The following BNC2 variants were observed in gnomAD, a reference collection of about 807,000 sequenced individuals.
BNC2 encodes the protein zinc finger protein basonuclin-2.
In BNC2, 20 loss-of-function variants were observed where a neutral mutation model predicts 76.3. The ratio of observed to expected loss-of-function variants is 0.26; its 90% CI spans 0.18 to 0.38. The LOEUF (loss-of-function observed/expected upper bound fraction) is 0.38, where lower values mean the gene tolerates loss of function less well. Among genes scored for constraint, BNC2 ranks in the 10% least tolerant of loss-of-function variants. The probability of loss-of-function intolerance (pLI) is 1.00; values close to 1 mark genes in which losing one functional copy is unlikely to be tolerated. For synonymous variants in BNC2, 582 were observed against 514.8 expected, an observed-to-expected ratio of 1.13 and a Z score of -1.77; for missense variants, 1,382 against 1,399.8, an observed-to-expected ratio of 0.99 and a Z score of 0.20.
At chr9:16,481,724 T>C (rs78505148) in intron 5 of BNC2, among the ~76,000 whole-genome samples, 9,055 of 152,194 alleles carry the variant, frequency 0.059, 291 homozygotes, top group African/African-American at 0.077. Context: ...AAGTTGTTAG[T>C]TTCTGAGTAA....
At chr9:16,814,892 G>A (rs992679033) in intron 1 of BNC2, among the ~76,000 whole-genome samples, 5 of 152,078 alleles carry the variant, frequency 3.3e-5, no homozygotes, top group African/African-American at 1.2e-4. Context: ...AGACACTCAA[G>A]AGAGATAATG....
intron 5 of BNC2, among the ~76,000 whole-genome samples, chr9:16,535,569 CT>C (rs1818105622): frequency 6.6e-6 from 1 of 152,062 alleles, no homozygotes. Flanking sequence ...AAATGCCAGC[CT>C]TATGTCTGCT....
At chr9:16,595,006 A>C (rs1217343581) in intron 3 of BNC2, among the ~76,000 whole-genome samples, 1 of 152,178 alleles carries the variant, frequency 6.6e-6, no homozygotes. Flanking sequence ...AATGCTAAGT[A>C]AGCAGTTAAC....
In BNC2 at chr9:16,494,757, G is replaced by A. The variant is rs540323199; in HGVS notation, c.670-57233C>T. 1.2e-4 allele frequency among the ~76,000 whole-genome samples: 19 copies of A among 152,178 alleles called. 1 individual carries two copies. The highest frequency in any genetic ancestry group is 3.4e-3 in the Middle Eastern group (1 of 294). On this transcript the variant is annotated intron_variant, in intron 5 of 6. Coordinates refer to ENST00000380672, the MANE Select transcript of BNC2 (RefSeq NM_017637.6). ...GGTTTTGATCAAGATTTGGCAGGCC[G>A]TGTAGAAGAGTTTGGATTTTCATGA...
intron 5 of BNC2, among the ~76,000 whole-genome samples, chr9:16,519,712 C>T (rs1431587489): frequency 6.6e-6 from 1 of 152,190 alleles, no homozygotes; most frequent in African/African-American, 2.4e-5. Flanking sequence ...CCAGTTTTTT[C>T]TACAACCCTG....
At chr9:16,469,992 C>CTTTTTTTT (rs201134930) in intron 5 of BNC2, among the ~76,000 whole-genome samples, 6 of 114,990 alleles carry the variant, frequency 5.2e-5, no homozygotes, top group Non-Finnish European at 8.6e-5. Context: ...TAATGGCATT[C>CTTTTTTTT]TTTTTTTTTT....
intron 5 of BNC2, among the ~76,000 whole-genome samples, chr9:16,524,732 A>T (rs1817739741): frequency 6.6e-6 from 1 of 152,192 alleles, no homozygotes; most frequent in African/African-American, 2.4e-5. Context: ...AACAACATTT[A>T]TTACCTTAAG....
chr9:16,523,412 A>AG (rs1170931179), intron 5 of BNC2, among the ~76,000 whole-genome samples: 9 of 150,904 alleles, frequency 6.0e-5, no homozygotes, highest in Middle Eastern at 3.4e-3. Context: ...CGGAGCTTGC[A>AG]GTGAGCCGAG....
intron 1 of BNC2, among the ~76,000 whole-genome samples, chr9:16,786,801 G>A (rs1826306544): frequency 6.6e-6 from 1 of 152,078 alleles, no homozygotes; most frequent in African/African-American, 2.4e-5. Flanking sequence ...CATCCTCAAG[G>A]GAAGGTCATT....
rs113043434 is a variant in BNC2, at chr9:16,629,153, A to C, written c.331-46068T>G. 4.2e-4 allele frequency among the ~76,000 whole-genome samples: 64 copies of C among 152,302 alleles called. 2 individuals carry two copies. Among genetic ancestry groups the C allele is most frequent in the African/African-American group, 1.5e-3 (64 of 41,576 alleles). On this transcript the variant is annotated intron_variant, in intron 3 of 6. Transcript: ENST00000380672. The stretch of plus-strand genomic sequence containing the variant: ...ATGTAAGGACTAATCGGGAAGGTTT[A>C]CCTTTTATGTTTACTTTTATTGCCT...
At chr9:16,565,859 A>C (rs1472456684) in intron 4 of BNC2, among the ~76,000 whole-genome samples, 1 of 151,916 alleles carries the variant, frequency 6.6e-6, no homozygotes, top group African/African-American at 2.4e-5. Context: ...ACACAAAATT[A>C]CAAACTGGAT....
Position 16,436,865 on chromosome 9 carries a change from A to G in BNC2, c.1329T>C (p.Cys443=). 6.2e-7 allele frequency: 1 copy of G among 1,614,148 alleles called. No homozygotes were observed. The highest frequency in any genetic ancestry group is 1.7e-5 in the Admixed American group (1 of 60,012). The change falls in exon 6 of 7, where the codon TGT becomes TGC. Residue 443 remains cysteine, a synonymous_variant. Transcript: ENST00000380672. ...CATAGAATGTCTTCCCACATGCATT[A>G]CAGAACACTCTTCCTTTCCTAGAGG... ...GSASRKGRVF[C]NACGKTFYDK...
intron 4 of BNC2, among the ~76,000 whole-genome samples, chr9:16,581,392 T>C (rs1035815647): frequency 1.2e-4 from 18 of 152,154 alleles, no homozygotes; most frequent in African/African-American, 3.4e-4. Context: ...AACCCGTCTC[T>C]ACTAAAAATA....
intron 1 of BNC2, among the ~76,000 whole-genome samples, chr9:16,834,244 A>C (rs1385809261): frequency 6.6e-6 from 1 of 152,198 alleles, no homozygotes; most frequent in Non-Finnish European, 1.5e-5. Flanking sequence ...TGTAGTATTT[A>C]ATTTCTACTC....
chr9:16,573,221 CAAA>C (rs5896694), intron 4 of BNC2, among the ~76,000 whole-genome samples: 5 of 96,578 alleles, frequency 5.2e-5, no homozygotes, highest in African/African-American at 1.2e-4. Context: ...GACCCTGTCT[CAAA>C]AAAAAAAAAA....
At chr9:16,640,362 T>C (rs1427978258) in intron 3 of BNC2, among the ~76,000 whole-genome samples, 1 of 152,198 alleles carries the variant, frequency 6.6e-6, no homozygotes, top group Non-Finnish European at 1.5e-5. Context: ...TTATATTAAA[T>C]ACAAATACAT....
intron 1 of BNC2, among the ~76,000 whole-genome samples, chr9:16,839,811 T>G (rs762567741): frequency 1.3e-5 from 2 of 152,190 alleles, no homozygotes; most frequent in Admixed American, 1.3e-4. Context: ...TGAAAAGGAT[T>G]TTTACAAATG....
At chr9:16,464,539 T>C (rs1017852869) in intron 5 of BNC2, among the ~76,000 whole-genome samples, 2 of 152,136 alleles carry the variant, frequency 1.3e-5, no homozygotes, top group African/African-American at 4.8e-5. Context: ...GGGCATCTCT[T>C]TGCAGACTGA....
chr9:16,439,988 AT>A (rs1230465131), intron 5 of BNC2, among the ~76,000 whole-genome samples: 1 of 152,212 alleles, frequency 6.6e-6, no homozygotes, highest in Non-Finnish European at 1.5e-5. Context: ...GGCCATCGCC[AT>A]TTTCAAAACC....
Sources: gnomAD v4.1 joint callset for allele counts (sites outside exome capture counted in the v4.1 genomes callset) on GRCh38, gnomAD v4.1.1 for gene constraint, MANE v1.5 for transcripts, NCBI Gene and HGNC (gene_info 2026-07-23, HGNC 2026-07-21) for gene names.